The following GABRA2 variants were observed in gnomAD, a reference collection of about 807,000 sequenced individuals.
The protein encoded by GABRA2 is gamma-aminobutyric acid receptor subunit alpha-2.
Under a neutral mutation model 48.7 loss-of-function variants are expected in GABRA2, and 16 were observed. The ratio of observed to expected loss-of-function variants is 0.33; its 90% CI spans 0.22 to 0.50. The LOEUF is 0.50. GABRA2 is among the 20% of genes least tolerant of loss of function. The probability of loss-of-function intolerance (pLI) is 0.98; values close to 1 mark genes in which losing one functional copy is unlikely to be tolerated. For synonymous variants in GABRA2, 185 were observed against 184.5 expected (o/e 1.00, Z -0.02); for missense variants, 275 against 535.6 (o/e 0.51, Z 4.80).
intron 3 of GABRA2, among the ~76,000 whole-genome samples, chr4:46,359,649 A>G (rs1335815657): frequency 5.3e-5 from 8 of 152,148 alleles, no homozygotes; most frequent in Non-Finnish European, 8.8e-5. Context: ...TTATATTACA[A>G]TGCAAAATAA....
intron 4 of GABRA2, among the ~76,000 whole-genome samples, chr4:46,321,443 G>C (rs1729433279): frequency 6.6e-6 from 1 of 151,940 alleles, no homozygotes; most frequent in African/African-American, 2.4e-5. Context: ...ACTATTATAA[G>C]TGCACTAAAA....
chr4:46,246,971 C>T lies in GABRA2; in HGVS notation c.*3337G>A, dbSNP rs1713826413. 1.3e-5 allele frequency among the ~76,000 whole-genome samples: 2 copies of T among 150,894 alleles called. No homozygotes were observed. The highest frequency in any genetic ancestry group is 3.0e-5 in the Non-Finnish European group (2 of 67,380). The stretch of plus-strand genomic sequence containing the variant: ...ATATCATGGCAGGGTTTGTGTCCCT[C>T]AACCAGGAATTCAAAAAGAGCCACA... On this transcript the variant is annotated 3_prime_UTR_variant, in exon 10 of 10. Coordinates refer to ENST00000381620, the MANE Select transcript of GABRA2 (RefSeq NM_000807.4).
intron 3 of GABRA2, among the ~76,000 whole-genome samples, chr4:46,350,489 T>A (rs1734935749): frequency 1.3e-5 from 2 of 151,678 alleles, no homozygotes; most frequent in Admixed American, 6.6e-5. Context: ...ATACATATAT[T>A]TGTATATATA....
intron 9 of GABRA2, chr4:46,256,233 C>A (rs1715798504): frequency 1.4e-6 from 1 of 692,918 alleles, no homozygotes; most frequent in Non-Finnish European, 2.6e-6. Context: ...ATCCACTTCT[C>A]TAAGTACTCT....
chr4:46,342,648 T>C (rs562186820), intron 3 of GABRA2, among the ~76,000 whole-genome samples: 68 of 152,102 alleles, frequency 4.5e-4, no homozygotes, highest in African/African-American at 1.6e-3. Context: ...CTCACCTTAC[T>C]GTTTTATTTT....
chr4:46,289,887 A>G (rs1459805451), intron 8 of GABRA2, among the ~76,000 whole-genome samples: 1 of 113,192 alleles, frequency 8.8e-6, no homozygotes, highest in Admixed American at 9.5e-5. Context: ...TATTTTATTT[A>G]TTTATTTATT....
intron 3 of GABRA2, among the ~76,000 whole-genome samples, chr4:46,353,591 T>A (rs1233738562): frequency 6.6e-6 from 1 of 152,132 alleles, no homozygotes; most frequent in African/African-American, 2.4e-5. Context: ...GCCTCCTTTC[T>A]CTGGGCATAC....
rs1472525903 is a variant in GABRA2 at position 46,243,930 on chromosome 4, GT to G, written c.*6377del. Reference sequence around the variant, plus strand: ...AGCAATAAGTATGACATTTTTTAAAGTTTTCACTCACATCACATCTACTGGA... The same window carrying G: ...AGCAATAAGTATGACATTTTTTAAAGTTTCACTCACATCACATCTACTGGA... On this transcript the variant is annotated 3_prime_UTR_variant, in exon 10 of 10. Coordinates refer to ENST00000381620, the MANE Select transcript of GABRA2 (RefSeq NM_000807.4). 2 of 151,436 alleles carry G rather than the reference GT, an allele frequency of 1.3e-5. No individual in the cohort carries two copies. Among genetic ancestry groups the G allele is most frequent in the Non-Finnish European group, 3.0e-5 (2 of 67,620 alleles). The allele number at this position is 151,436 out of a possible 1,614,324, so 9.4% of individuals were successfully genotyped here. A position where few individuals can be genotyped will look rare whatever the true frequency, so the allele number is the denominator to read the frequency against.
chr4:46,324,607 T>A (rs1256523072), intron 4 of GABRA2, among the ~76,000 whole-genome samples: 12 of 151,868 alleles, frequency 7.9e-5, no homozygotes, highest in Admixed American at 7.9e-4. Flanking sequence ...AGAGAGTACC[T>A]GTGCAGGTTT....
chr4:46,353,780 T>C (rs1735536662), intron 3 of GABRA2, among the ~76,000 whole-genome samples: 1 of 152,162 alleles, frequency 6.6e-6, no homozygotes, highest in Non-Finnish European at 1.5e-5. Context: ...TTCATCTTGC[T>C]TCCAATTCTC....
At position 46,249,739 on chromosome 4, in the gene GABRA2, A is replaced by C. The variant is rs920460775; in HGVS notation, c.*569T>G. 2 of 151,508 alleles carry C rather than the reference A, an allele frequency of 1.3e-5. No individual in the cohort carries two copies. The highest frequency in any genetic ancestry group is 6.6e-5 in the Admixed American group (1 of 15,136). The allele number at this position is 151,508 out of a possible 1,614,324, so 9.4% of individuals were successfully genotyped here. On this transcript the variant is annotated 3_prime_UTR_variant, in exon 10 of 10. Transcript: ENST00000381620. ...TAATTATTTGAGCTTGTCATGCTGT[A>C]ATATGTACATGGCTATAGATACTAT...
chr4:46,321,695 T>C (rs1302007742), intron 4 of GABRA2, among the ~76,000 whole-genome samples: 3 of 151,966 alleles, frequency 2.0e-5, no homozygotes, highest in Non-Finnish European at 4.4e-5. Context: ...CTAGGACTCT[T>C]GTAAGGATGA....
chr4:46,368,059 G>A (rs1033783870), intron 3 of GABRA2: 1 of 152,112 alleles, frequency 6.6e-6, no homozygotes, highest in Non-Finnish European at 1.5e-5. Context: ...AATGTTTTAG[G>A]TGGTGGAAGT....
rs182644779 is a variant in GABRA2 at position 46,252,832 on chromosome 4, A to C, written c.1060-2228T>G. Among the ~76,000 whole-genome samples, 5 of 151,578 alleles carry C rather than the reference A, an allele frequency of 3.3e-5. No individual in the cohort carries two copies. In the East Asian group the frequency reaches 5.8e-4, roughly 18 times the overall value. On this transcript the variant is annotated intron_variant, in intron 9 of 9. Coordinates refer to ENST00000381620, the MANE Select transcript of GABRA2 (RefSeq NM_000807.4). ...AATCTGGGCCTTGAGAAATTTCCTT[A>C]ATGTTTTTCTTCAGCTTGTAACTTG...
At chr4:46,327,283 G>C (rs1730554316) in intron 4 of GABRA2, among the ~76,000 whole-genome samples, 1 of 151,900 alleles carries the variant, frequency 6.6e-6, no homozygotes, top group African/African-American at 2.4e-5. Context: ...TAGATCATAG[G>C]AAGATCCCAG....
chr4:46,282,226 G>A (rs533852099), intron 8 of GABRA2, among the ~76,000 whole-genome samples: 1 of 152,262 alleles, frequency 6.6e-6, no homozygotes, highest in African/African-American at 2.4e-5. Flanking sequence ...TCTTCAGGGT[G>A]AATTTGACAA....
intron 8 of GABRA2, among the ~76,000 whole-genome samples, chr4:46,283,862 C>T (rs1471027656): frequency 6.6e-6 from 1 of 152,168 alleles, no homozygotes; most frequent in African/African-American, 2.4e-5. Context: ...TGGGTTCATG[C>T]CATTCTCCTG....
chr4:46,267,477 A>AT (rs900637711), intron 8 of GABRA2, among the ~76,000 whole-genome samples: 183 of 150,782 alleles, frequency 1.2e-3, no homozygotes, highest in Admixed American at 6.8e-3. Flanking sequence ...ATTTCTAATG[A>AT]TTTTTTTTTC....
chr4:46,301,756 A>C (rs1577970087), intron 8 of GABRA2, among the ~76,000 whole-genome samples: 1 of 152,012 alleles, frequency 6.6e-6, no homozygotes, highest in African/African-American at 2.4e-5. Context: ...TTACCTTATT[A>C]CCCTTCCTGG....
Sources: gnomAD v4.1 joint callset for allele counts (sites outside exome capture counted in the v4.1 genomes callset) on GRCh38, gnomAD v4.1.1 for gene constraint, MANE v1.5 for transcripts, NCBI Gene and HGNC (gene_info 2026-07-23, HGNC 2026-07-21) for gene names.